The following ADAMTS17 variants were observed in gnomAD, a reference collection of about 807,000 sequenced individuals.
ADAMTS17 encodes ADAM metallopeptidase with thrombospondin type 1 motif 17.
In ADAMTS17, 113 loss-of-function variants were observed where a neutral mutation model predicts 141.5. The ratio of observed to expected loss-of-function variants is 0.80; its 90% CI spans 0.69 to 0.93. ADAMTS17 has a LOEUF of 0.93. Among genes scored for constraint, ADAMTS17 ranks in the 40% least tolerant of loss-of-function variants. The pLI is 0.00. For synonymous variants in ADAMTS17, 768 were observed against 630.6 expected, an observed-to-expected ratio of 1.22 and a Z score of -3.27; for missense variants, 1,659 against 1,517.9, an observed-to-expected ratio of 1.09 and a Z score of -1.54.
chr15:100,266,599 C>T (rs990076746), intron 4 of ADAMTS17, among the ~76,000 whole-genome samples: 7 of 152,218 alleles, frequency 4.6e-5, no homozygotes, highest in African/African-American at 1.2e-4. Context: ...TCGGCCTGCC[C>T]GCTTCTCACT....
At chr15:99,990,279 T>C (rs927449444) in intron 20 of ADAMTS17, among the ~76,000 whole-genome samples, 1 of 152,138 alleles carries the variant, frequency 6.6e-6, no homozygotes, top group African/African-American at 2.4e-5. Context: ...GCTCAAGCAA[T>C]CCTGCCTTGG....
At chr15:100,205,470 C>T (rs1167971984) in intron 7 of ADAMTS17, among the ~76,000 whole-genome samples, 10 of 152,152 alleles carry the variant, frequency 6.6e-5, no homozygotes. Flanking sequence ...GATTACCCAC[C>T]TGCCAGAGAA....
At chr15:100,205,977 G>A (rs1054441397) in intron 7 of ADAMTS17, among the ~76,000 whole-genome samples, 26 of 152,156 alleles carry the variant, frequency 1.7e-4, no homozygotes, top group Non-Finnish European at 2.6e-4. Flanking sequence ...ACTGAGCCAC[G>A]CACCCACTGA....
intron 3 of ADAMTS17, among the ~76,000 whole-genome samples, chr15:100,296,574 A>AG (rs142076301): frequency 2.7e-5 from 4 of 149,630 alleles, no homozygotes; most frequent in Admixed American, 6.6e-5. Flanking sequence ...GGAGGGGGTG[A>AG]GGGGGGGTGT....
chr15:100,065,884 T>C (rs1168946655), intron 15 of ADAMTS17, among the ~76,000 whole-genome samples: 1 of 152,118 alleles, frequency 6.6e-6, no homozygotes, highest in African/African-American at 2.4e-5. Context: ...CCCCCACCCC[T>C]CAACAGGCTG....
chr15:100,141,637 G>A (rs1416793115), intron 10 of ADAMTS17, among the ~76,000 whole-genome samples: 1 of 152,146 alleles, frequency 6.6e-6, no homozygotes, highest in Non-Finnish European at 1.5e-5. Flanking sequence ...GTTCCTGAGG[G>A]CTACAGAGAC....
rs11632678 is a variant in ADAMTS17, at chr15:100,071,458, A to T, written c.2138-17404T>A. ...CAACAAAAAAAGAGAATTTTAGACC[A>T]ATATCCCTGATGAACATTGATGCAA... On this transcript the variant is annotated intron_variant, in intron 15 of 21. Transcript: ENST00000268070. 2.0e-5 allele frequency among the ~76,000 whole-genome samples: 3 copies of T among 149,114 alleles called. 1 individual carries two copies. Among genetic ancestry groups the T allele is most frequent in the East Asian group, 2.0e-4 (1 of 5,112 alleles).
At chr15:100,140,508 T>TATATATATATATATATATA (rs61080608) in intron 10 of ADAMTS17, among the ~76,000 whole-genome samples, 3 of 139,624 alleles carry the variant, frequency 2.1e-5, no homozygotes, top group Non-Finnish European at 3.1e-5. Context: ...TATATATATA[T>TATATATATATATATATATA]CCAGTAAAGA....
chr15:100,110,227 A>G lies in ADAMTS17; in HGVS notation c.1889-1111T>C, dbSNP rs555593447. Among the ~76,000 whole-genome samples the G allele has an allele frequency of 4.0e-4, 48 of 120,260 alleles. 1 individual carries two copies. In the South Asian group the frequency reaches 0.012, roughly 30 times the overall value. The allele number at this position is 120,260 out of a possible 152,430, so 78.9% of individuals were successfully genotyped here. A position where few individuals can be genotyped will look rare whatever the true frequency, so the allele number is the denominator to read the frequency against. On this transcript the variant is annotated intron_variant, in intron 13 of 21. Coordinates refer to ENST00000268070, the MANE Select transcript of ADAMTS17 (RefSeq NM_139057.4). ...TATCAGTATATATATATTTTTATAT[A>G]TTTATATAAATATATATATATATAA...
At chr15:99,995,392 ACT>A (rs533686113) in intron 19 of ADAMTS17, among the ~76,000 whole-genome samples, 60 of 151,952 alleles carry the variant, frequency 3.9e-4, no homozygotes, top group Admixed American at 1.4e-3. Flanking sequence ...TCTTAACCAA[ACT>A]CTGACCAGCA....
In ADAMTS17 at chr15:100,261,583, G is replaced by C. The variant is rs773486302; in HGVS notation, c.927C>G (p.His309Gln). The change falls in exon 6 of 22, where the codon CAC (histidine) becomes CAG (glutamine). Residue 309 changes from histidine (H) to glutamine (Q), a missense_variant. Coordinates refer to ENST00000268070, the MANE Select transcript of ADAMTS17 (RefSeq NM_139057.4). ...HGERSLESFC[H>Q]WQNEEYGGAR... is the part of the protein sequence containing the mutation. ...CTCCTCCATACTCCTCGTTCTGCCAGTGACAGAAGCTCTCCAGGGACCGCT... is the reference window on the plus strand; with the variant it reads ...CTCCTCCATACTCCTCGTTCTGCCACTGACAGAAGCTCTCCAGGGACCGCT... The C allele has an allele frequency of 4.3e-6, 7 of 1,614,150 alleles. No individual in the cohort carries two copies. The highest frequency in any genetic ancestry group is 5.9e-6 in the Non-Finnish European group (7 of 1,180,026).
intron 15 of ADAMTS17, among the ~76,000 whole-genome samples, chr15:100,066,737 T>C (rs1383545): frequency 0.65 from 97,107 of 150,030 alleles, 33,905 homozygotes; most frequent in South Asian, 0.79. Flanking sequence ...CCTTTCTAAG[T>C]GGCCCATCTG....
chr15:100,014,938 T>C (rs993664015), intron 18 of ADAMTS17, among the ~76,000 whole-genome samples: 1 of 152,232 alleles, frequency 6.6e-6, no homozygotes, highest in African/African-American at 2.4e-5. Context: ...TTTGATGAAC[T>C]GTCTAGTGCT....
intron 15 of ADAMTS17, among the ~76,000 whole-genome samples, chr15:100,054,835 G>A (rs1263053977): frequency 2.0e-5 from 3 of 152,126 alleles, no homozygotes; most frequent in Admixed American, 6.5e-5. Context: ...TGCTGCTGAC[G>A]GGCCATAAGC....
chr15:99,994,850 C>T (rs536354142), intron 19 of ADAMTS17, among the ~76,000 whole-genome samples: 1 of 152,396 alleles, frequency 6.6e-6, no homozygotes, highest in East Asian at 1.9e-4. Flanking sequence ...AGGTGCGAGC[C>T]ATTGCGCCTC....
intron 15 of ADAMTS17, among the ~76,000 whole-genome samples, chr15:100,075,059 C>CT (rs1263804052): frequency 2.0e-5 from 3 of 152,064 alleles, no homozygotes; most frequent in Admixed American, 2.0e-4. Context: ...AATGTTCTTC[C>CT]ATAGGCCCGT....
intron 8 of ADAMTS17, among the ~76,000 whole-genome samples, chr15:100,169,634 C>G (rs1355170548): frequency 6.6e-6 from 1 of 152,158 alleles, no homozygotes; most frequent in Non-Finnish European, 1.5e-5. Flanking sequence ...GCAATTGCCC[C>G]CACACTCAAT....
chr15:100,180,094 C>G (rs2141523309), intron 8 of ADAMTS17, among the ~76,000 whole-genome samples: 1 of 152,344 alleles, frequency 6.6e-6, no homozygotes, highest in South Asian at 2.1e-4. Context: ...CTCAAGAAAT[C>G]TTTGCCCAGA....
At chr15:100,233,237 G>A (rs1012589516) in intron 7 of ADAMTS17, among the ~76,000 whole-genome samples, 1 of 152,026 alleles carries the variant, frequency 6.6e-6, no homozygotes, top group Non-Finnish European at 1.5e-5. Context: ...TGCTGAGGCA[G>A]GAGAATCGCT....
Sources: allele counts gnomAD v4.1 joint callset (sites outside exome capture counted in the v4.1 genomes callset), GRCh38; gene constraint gnomAD v4.1.1; transcripts MANE v1.5; gene names NCBI Gene and HGNC (gene_info 2026-07-23, HGNC 2026-07-21).